LRRC4C: variants seen among roughly 807,000 people sequenced by gnomAD.
LRRC4C encodes the protein leucine-rich repeat-containing protein 4C.
Under a neutral mutation model 33.6 loss-of-function variants are expected in LRRC4C, and 5 were observed. That is an observed-to-expected ratio of 0.15 (90% CI 0.08 to 0.31). LRRC4C has a LOEUF of 0.31. Ranked by LOEUF, LRRC4C falls within the 10% of genes least tolerant of loss-of-function variation. The pLI is 1.00. For synonymous variants in LRRC4C, 329 were observed against 302.0 expected, an observed-to-expected ratio of 1.09 and a Z score of -0.93; for missense variants, 560 against 796.7, an observed-to-expected ratio of 0.70 and a Z score of 3.58.
At chr11:41,357,922 G>A (rs752384604) in intron 1 of LRRC4C, among the ~76,000 whole-genome samples, 3 of 152,022 alleles carry the variant, frequency 2.0e-5, no homozygotes, top group East Asian at 3.9e-4. Context: ...AGTTAATATA[G>A]AGGGGCAAAA....
At chr11:40,626,290 C>A (rs1315046281) in intron 3 of LRRC4C, among the ~76,000 whole-genome samples, 1 of 152,062 alleles carries the variant, frequency 6.6e-6, no homozygotes, top group East Asian at 1.9e-4. Flanking sequence ...GACAATTTTC[C>A]TAGCCATACT....
chr11:40,365,109 GA>G (rs200733412), intron 3 of LRRC4C, among the ~76,000 whole-genome samples: 75 of 136,610 alleles, frequency 5.5e-4, no homozygotes, highest in Middle Eastern at 7.5e-3. Flanking sequence ...GATCCACAAA[GA>G]AAAAAAAAAA....
chr11:40,713,006 A>C (rs1456207189), intron 2 of LRRC4C, among the ~76,000 whole-genome samples: 2 of 151,180 alleles, frequency 1.3e-5, no homozygotes, highest in South Asian at 2.1e-4. Flanking sequence ...CTCCTGCCTC[A>C]GTCTCCGGAG....
At chr11:40,340,037 A>T (rs1307260293) in intron 3 of LRRC4C, among the ~76,000 whole-genome samples, 1 of 152,134 alleles carries the variant, frequency 6.6e-6, no homozygotes, top group African/African-American at 2.4e-5. Flanking sequence ...GAATAACTAG[A>T]AATTTTAATT....
At chr11:41,013,492 G>C (rs1040555727) in intron 1 of LRRC4C, among the ~76,000 whole-genome samples, 1 of 152,096 alleles carries the variant, frequency 6.6e-6, no homozygotes, top group Non-Finnish European at 1.5e-5. Context: ...TAGCGCTGAC[G>C]TATGTTCCTT....
At chr11:41,039,971 A>G (rs146998339) in intron 1 of LRRC4C, among the ~76,000 whole-genome samples, 1 of 151,938 alleles carries the variant, frequency 6.6e-6, no homozygotes, top group African/African-American at 2.4e-5. Flanking sequence ...TGCCGTCTCT[A>G]CTAAAAATAC....
At chr11:40,607,531 G>C (rs1277978968) in intron 3 of LRRC4C, among the ~76,000 whole-genome samples, 5 of 152,116 alleles carry the variant, frequency 3.3e-5, no homozygotes, top group Non-Finnish European at 7.3e-5. Flanking sequence ...AGATGGTGAG[G>C]GAAATTTGGT....
intron 3 of LRRC4C, among the ~76,000 whole-genome samples, chr11:40,524,362 T>G (rs915118318): frequency 4.6e-5 from 7 of 152,162 alleles, no homozygotes; most frequent in African/African-American, 1.7e-4. Context: ...TGAAGTTACT[T>G]TTCTACACAA....
intron 1 of LRRC4C, among the ~76,000 whole-genome samples, chr11:40,974,479 A>T (rs1230372336): frequency 6.6e-6 from 1 of 152,208 alleles, no homozygotes; most frequent in African/African-American, 2.4e-5. Context: ...TGAATGTTGG[A>T]TTAATAAACA....
chr11:40,836,302 C>T (rs1952665391), intron 2 of LRRC4C, among the ~76,000 whole-genome samples: 1 of 152,154 alleles, frequency 6.6e-6, no homozygotes, highest in South Asian at 2.1e-4. Flanking sequence ...AAGAGCAAAA[C>T]TTTGTGAGAG....
chr11:40,714,505 G>T (rs185574858), intron 2 of LRRC4C, among the ~76,000 whole-genome samples: 6 of 152,302 alleles, frequency 3.9e-5, no homozygotes, highest in Non-Finnish European at 8.8e-5. Flanking sequence ...ATTGTTTGCA[G>T]TTGTTAGTTA....
chr11:41,082,993 G>A (rs929530820), intron 1 of LRRC4C, among the ~76,000 whole-genome samples: 2 of 152,000 alleles, frequency 1.3e-5, no homozygotes, highest in South Asian at 2.1e-4. Context: ...AAATGTCCAC[G>A]CTTCCTGTCT....
At chr11:40,857,096 A>T (rs951888061) in intron 2 of LRRC4C, among the ~76,000 whole-genome samples, 4 of 152,220 alleles carry the variant, frequency 2.6e-5, no homozygotes, top group Non-Finnish European at 2.9e-5. Context: ...TATCCAGATT[A>T]TACACCAAAT....
At chr11:40,241,931 C>G (rs537702547) in intron 4 of LRRC4C, 15 of 152,242 alleles carry the variant, frequency 9.9e-5, no homozygotes, top group African/African-American at 3.4e-4. Context: ...ATCTCCTCCC[C>G]CTTCTGAGGA....
chr11:40,621,819 T>C (rs1026593412), intron 3 of LRRC4C, among the ~76,000 whole-genome samples: 2 of 151,782 alleles, frequency 1.3e-5, no homozygotes, highest in Non-Finnish European at 2.9e-5. Context: ...TTCTCAGAGA[T>C]TTTGATGTAT....
intron 3 of LRRC4C, among the ~76,000 whole-genome samples, chr11:40,494,285 T>C (rs914662244): frequency 1.3e-5 from 2 of 152,206 alleles, no homozygotes; most frequent in African/African-American, 4.8e-5. Flanking sequence ...GTTATTTTTA[T>C]TTGTCTTTTA....
intron 1 of LRRC4C, among the ~76,000 whole-genome samples, chr11:41,103,579 A>C (rs1941325368): frequency 6.6e-6 from 1 of 151,962 alleles, no homozygotes; most frequent in Non-Finnish European, 1.5e-5. Context: ...CTCACTAAAG[A>C]GGTTTATAGT....
chr11:41,069,069 C>A (rs1297928287), intron 1 of LRRC4C, among the ~76,000 whole-genome samples: 1 of 152,174 alleles, frequency 6.6e-6, no homozygotes, highest in Non-Finnish European at 1.5e-5. Context: ...GCTTAAACCA[C>A]CATGATGAAG....
At chr11:40,178,864 C>T (rs922141899) in intron 5 of LRRC4C, among the ~76,000 whole-genome samples, 1 of 152,196 alleles carries the variant, frequency 6.6e-6, no homozygotes, top group Non-Finnish European at 1.5e-5. Context: ...TAGCCTTTCC[C>T]TTCCTCTGTC....
Sources: gnomAD v4.1 joint callset for allele counts (sites outside exome capture counted in the v4.1 genomes callset) on GRCh38, gnomAD v4.1.1 for gene constraint, MANE v1.5 for transcripts, NCBI Gene and HGNC (gene_info 2026-07-23, HGNC 2026-07-21) for gene names.